Variants in CTSC observed in about 807,000 individuals in gnomAD.
The protein encoded by CTSC is dipeptidyl peptidase 1.
A neutral mutation model predicts 40.9 loss-of-function variants in CTSC; 37 were observed. The observed-to-expected ratio is 0.91, with a 90% confidence interval of 0.70 to 1.19. The LOEUF is 1.19. CTSC is among the 50% of genes most tolerant of loss of function. CTSC has a pLI of 0.00. For synonymous variants in CTSC, 232 were observed against 207.4 expected, an observed-to-expected ratio of 1.12 and a Z score of -1.02; for missense variants, 594 against 567.3, an observed-to-expected ratio of 1.05 and a Z score of -0.48.
intron 2 of CTSC, among the ~76,000 whole-genome samples, chr11:88,314,959 A>G (rs80323256): frequency 0.017 from 2,539 of 152,206 alleles, 78 homozygotes; most frequent in African/African-American, 0.058. Context: ...GGAAACAAAG[A>G]CCCAGGACAT....
intron 3 of CTSC, among the ~76,000 whole-genome samples, chr11:88,309,812 GCGCACA>G (rs139735194): frequency 0.079 from 8,532 of 107,984 alleles, 299 homozygotes; most frequent in East Asian, 0.12. Flanking sequence ...ATATGTATGC[GCGCACA>G]CACACACACA....
intron 6 of CTSC, among the ~76,000 whole-genome samples, chr11:88,295,581 G>A (rs1234088019): frequency 5.9e-5 from 9 of 151,726 alleles, no homozygotes; most frequent in East Asian, 1.9e-4. Flanking sequence ...GGGTTTCGCC[G>A]TGTTGCCCAG....
intron 2 of CTSC, chr11:88,324,842 TAA>T: frequency 2.0e-6 from 2 of 985,378 alleles, no homozygotes; most frequent in South Asian, 4.7e-5. Context: ...GTGAGATAGA[TAA>T]AAGTTTCCAG....
chr11:88,294,569 T>C (rs1239581574), intron 6 of CTSC, 61 bp from the exon 7 acceptor site: 1 of 1,577,944 alleles, frequency 6.3e-7, no homozygotes, highest in Non-Finnish European at 8.7e-7. Context: ...CCATTTTCTA[T>C]TTTTTCTTCT....
In CTSC at chr11:88,293,985, T is replaced by C. The variant is rs368522944; in HGVS notation, c.*21A>G. 1 of 1,613,166 alleles carries C rather than the reference T, an allele frequency of 6.2e-7. No homozygotes were observed. The highest frequency in any genetic ancestry group is 1.3e-5 in the African/African-American group (1 of 74,910). ...CCTTTACAACTGATGCAGATCATTA[T>C]GAAATACTGGAAGGCATACCCTACA... On this transcript the variant is annotated 3_prime_UTR_variant, in exon 7 of 7. Coordinates refer to ENST00000227266, the MANE Select transcript of CTSC (RefSeq NM_001814.6).
Position 88,309,267 on chromosome 11 carries a change from A to T in CTSC, c.537T>A (p.Asn179Lys). ...KYDHNFVKAI[N>K]AIQKSWTATT... ...TTGCAGTCCAAGACTTCTGAATGGCATTGATAGCTTTCACAAAGTTGTGAT... is the reference window on the plus strand; with the variant it reads ...TTGCAGTCCAAGACTTCTGAATGGCTTTGATAGCTTTCACAAAGTTGTGAT... Residue 179 changes from asparagine (N) to lysine (K), a missense_variant, in exon 4 of 7, where the codon AAT (asparagine) becomes AAA (lysine). Coordinates refer to ENST00000227266, the MANE Select transcript of CTSC (RefSeq NM_001814.6). The T allele has an allele frequency of 6.2e-7, 1 of 1,613,860 alleles. No individual in the cohort carries two copies. The highest frequency in any genetic ancestry group is 1.1e-5 in the South Asian group (1 of 91,080).
intron 2 of CTSC, chr11:88,326,306 G>T (rs1432058855): frequency 6.2e-7 from 1 of 1,612,540 alleles, no homozygotes; most frequent in African/African-American, 1.3e-5. Flanking sequence ...ACTCCAGAAG[G>T]GACTGTAGCT....
At chr11:88,320,565 G>A (rs1270367319) in intron 2 of CTSC, among the ~76,000 whole-genome samples, 2 of 152,318 alleles carry the variant, frequency 1.3e-5, no homozygotes, top group African/African-American at 4.8e-5. Flanking sequence ...GATTTCCCTT[G>A]ATAGCTAATT....
intron 2 of CTSC, chr11:88,324,125 G>A (rs1027386692): frequency 3.3e-5 from 5 of 152,104 alleles, no homozygotes; most frequent in African/African-American, 1.2e-4. Context: ...TCTAATCTTT[G>A]ACAAACCGTA....
At chr11:88,303,376 G>C (rs796259615) in intron 4 of CTSC, among the ~76,000 whole-genome samples, 32 of 152,286 alleles carry the variant, frequency 2.1e-4, no homozygotes, top group African/African-American at 7.5e-4. Context: ...GAAAGCCCTA[G>C]GTTGTTTACC....
chr11:88,317,029 C>T lies in CTSC; in HGVS notation c.319-4475G>A, dbSNP rs374957928. Among the ~76,000 whole-genome samples, 13 of 151,808 alleles carry T rather than the reference C, an allele frequency of 8.6e-5. No individual in the cohort carries two copies. The East Asian group carries it at 2.1e-3, about 25-fold the overall frequency. On this transcript the variant is annotated intron_variant, in intron 2 of 6. Coordinates refer to ENST00000227266, the MANE Select transcript of CTSC (RefSeq NM_001814.6). Reference sequence around the variant, plus strand: ...TCACCCAGGCTGGAGTGCAGTGGCGCGATCTCAGCTCACTGCAACCTCCGT... The same window carrying T: ...TCACCCAGGCTGGAGTGCAGTGGCGTGATCTCAGCTCACTGCAACCTCCGT...
At chr11:88,300,378 AAAG>A in intron 5 of CTSC, 149 bp downstream of exon 5, 1 of 625,854 alleles carries the variant, frequency 1.6e-6, no homozygotes, top group East Asian at 2.8e-5. Flanking sequence ...ATATAAAAGG[AAAG>A]AATAATTCAT....
chr11:88,315,323 A>G (rs1349621682), intron 2 of CTSC, among the ~76,000 whole-genome samples: 1 of 152,234 alleles, frequency 6.6e-6, no homozygotes, highest in Non-Finnish European at 1.5e-5. Context: ...ACACACAGGA[A>G]GACATTCACT....
chr11:88,326,388 G>A (rs1435134573), intron 2 of CTSC: 20 of 1,613,956 alleles, frequency 1.2e-5, no homozygotes, highest in East Asian at 2.2e-5. Context: ...TAGCCCCAAC[G>A]TCTGTTCATG....
Position 88,309,149 on chromosome 11 carries a change from G to A in CTSC, c.641+14C>T, listed in dbSNP as rs927942877. ...TTCATATTTTTATTAATGATAAAATGTGTGCTTGATTACCTTGGGATTTTT... is the reference window on the plus strand; with the variant it reads ...TTCATATTTTTATTAATGATAAAATATGTGCTTGATTACCTTGGGATTTTT... On this transcript the variant is annotated intron_variant, in intron 4 of 6. Coordinates refer to ENST00000227266, the MANE Select transcript of CTSC (RefSeq NM_001814.6). 7 of 1,611,088 alleles carry A rather than the reference G, an allele frequency of 4.3e-6. No homozygotes were observed. The highest frequency in any genetic ancestry group is 5.9e-6 in the Non-Finnish European group (7 of 1,177,422).
chr11:88,320,477 G>C (rs975264482), intron 2 of CTSC, among the ~76,000 whole-genome samples: 3 of 152,144 alleles, frequency 2.0e-5, no homozygotes, highest in Non-Finnish European at 4.4e-5. Flanking sequence ...ATACTCAACA[G>C]AGGTGAGGCA....
intron 1 of CTSC, among the ~76,000 whole-genome samples, chr11:88,336,643 T>C (rs571673317): frequency 3.9e-5 from 6 of 152,208 alleles, no homozygotes; most frequent in African/African-American, 1.4e-4. Flanking sequence ...TTTGTTCTGT[T>C]GACAAGAAAA....
chr11:88,331,238 C>T (rs532645216), intron 2 of CTSC, among the ~76,000 whole-genome samples: 2 of 152,270 alleles, frequency 1.3e-5, no homozygotes, highest in South Asian at 4.1e-4. Context: ...AGTTTCAGAT[C>T]CCGTAGGTTG....
chr11:88,316,676 TTAAC>T (rs1446747125), intron 2 of CTSC, among the ~76,000 whole-genome samples: 1 of 152,172 alleles, frequency 6.6e-6, no homozygotes, highest in Admixed American at 6.5e-5. Flanking sequence ...TAGGAAGTAA[TTAAC>T]TACTAAATGA....
Sources: allele counts gnomAD v4.1 joint callset (sites outside exome capture counted in the v4.1 genomes callset), GRCh38; gene constraint gnomAD v4.1.1; transcripts MANE v1.5; gene names NCBI Gene and HGNC (gene_info 2026-07-23, HGNC 2026-07-21).